DENND1A: variants seen among roughly 807,000 people sequenced by gnomAD.
DENND1A encodes the protein DENN domain containing 1A, also known as DENN domain-containing protein 1A.
Under a neutral mutation model 113.7 loss-of-function variants are expected in DENND1A, and 51 were observed. The ratio of observed to expected loss-of-function variants is 0.45; its 90% CI spans 0.36 to 0.57. DENND1A has a LOEUF of 0.57. Ranked by LOEUF, DENND1A falls within the 20% of genes least tolerant of loss-of-function variation. The probability of loss-of-function intolerance (pLI) is 0.00; values close to 1 mark genes in which losing one functional copy is unlikely to be tolerated. For synonymous variants in DENND1A, 565 were observed against 570.8 expected (o/e 0.99, Z 0.14); for missense variants, 1,258 against 1,395.9 (o/e 0.90, Z 1.57).
At chr9:123,676,324 G>A (rs2064074327) in intron 6 of DENND1A, among the ~76,000 whole-genome samples, 1 of 152,166 alleles carries the variant, frequency 6.6e-6, no homozygotes. Flanking sequence ...TGTTTTACTT[G>A]CAAACCCCAG....
At chr9:123,768,068 T>G (rs1217029141) in intron 4 of DENND1A, among the ~76,000 whole-genome samples, 2 of 152,142 alleles carry the variant, frequency 1.3e-5, no homozygotes, top group East Asian at 3.8e-4. Context: ...CTTGCATTTT[T>G]AGGAGGAATA....
At chr9:123,694,656 T>A (rs141322756) in intron 5 of DENND1A, among the ~76,000 whole-genome samples, 1 of 152,220 alleles carries the variant, frequency 6.6e-6, no homozygotes, top group African/African-American at 2.4e-5. Flanking sequence ...CTGTTTTCAA[T>A]ATCTAGAATT....
chr9:123,795,928 G>C (rs747877810), intron 2 of DENND1A, among the ~76,000 whole-genome samples: 1 of 152,160 alleles, frequency 6.6e-6, no homozygotes, highest in Admixed American at 6.5e-5. Context: ...TTTTACCCAA[G>C]AATTGTCCTG....
rs1262340725 is a variant in DENND1A, at chr9:123,462,747, A to G, written c.994-4850T>C. 5.9e-5 allele frequency among the ~76,000 whole-genome samples: 9 copies of G among 152,328 alleles called. No individual in the cohort carries two copies. The East Asian group carries it at 1.5e-3, about 26-fold the overall frequency. ...GGGAGGCGGAGGTTGCAGTCAGCCA[A>G]GATCACACCATTGCACTCCAGCCTG... On this transcript the variant is annotated intron_variant, in intron 13 of 23. Coordinates refer to ENST00000394215, the MANE Select transcript of DENND1A (RefSeq NM_001352964.2).
rs145062744 is a variant in DENND1A at position 123,495,986 on chromosome 9, G to A, written c.994-38089C>T. On this transcript the variant is annotated intron_variant, in intron 13 of 23. Transcript: ENST00000394215. ...GTCCTGAATGCATATCTGTAATTGC[G>A]TTAAGCAGAGAGGCTGGGGACATCA... Among the ~76,000 whole-genome samples the A allele has an allele frequency of 9.6e-4, 146 of 152,314 alleles. 1 individual carries two copies. Among genetic ancestry groups the A allele is most frequent in the African/African-American group, 3.1e-3 (127 of 41,574 alleles).
At chr9:123,910,678 G>A (rs1047155014) in intron 1 of DENND1A, among the ~76,000 whole-genome samples, 78 of 152,190 alleles carry the variant, frequency 5.1e-4, no homozygotes, top group African/African-American at 1.7e-3. Context: ...AGTGGCTCAC[G>A]CCTGTAATCC....
chr9:123,868,520 T>G (rs960497561), intron 2 of DENND1A, among the ~76,000 whole-genome samples: 7 of 152,178 alleles, frequency 4.6e-5, no homozygotes, highest in African/African-American at 1.7e-4. Flanking sequence ...AGTGCCCCAT[T>G]TTAGAGTTGA....
intron 2 of DENND1A, among the ~76,000 whole-genome samples, chr9:123,862,169 T>G (rs987866617): frequency 6.6e-6 from 1 of 152,236 alleles, no homozygotes; most frequent in African/African-American, 2.4e-5. Flanking sequence ...GTTCTTCATC[T>G]GACACCCATA....
intron 13 of DENND1A, among the ~76,000 whole-genome samples, chr9:123,539,831 C>A (rs1209195233): frequency 6.8e-6 from 1 of 147,234 alleles, no homozygotes; most frequent in Admixed American, 6.9e-5. Context: ...TGCAGTGAGC[C>A]GAGATCGCGC....
At chr9:123,559,145 G>A (rs1042776370) in intron 12 of DENND1A, among the ~76,000 whole-genome samples, 17 of 152,168 alleles carry the variant, frequency 1.1e-4, no homozygotes, top group African/African-American at 3.9e-4. Context: ...GTGTGCAAAG[G>A]CCCTGCAGCG....
At chr9:123,542,420 C>T (rs922286892) in intron 13 of DENND1A, among the ~76,000 whole-genome samples, 6 of 152,118 alleles carry the variant, frequency 3.9e-5, no homozygotes, top group Admixed American at 2.0e-4. Flanking sequence ...CTTCATTATG[C>T]TATTCATTTG....
At chr9:123,683,351 G>A (rs1398415609) in intron 5 of DENND1A, among the ~76,000 whole-genome samples, 1 of 152,100 alleles carries the variant, frequency 6.6e-6, no homozygotes, top group Non-Finnish European at 1.5e-5. Context: ...AGAGACCTTC[G>A]GGAAACTGAA....
chr9:123,568,732 A>T (rs770802576), intron 12 of DENND1A, among the ~76,000 whole-genome samples: 6 of 152,166 alleles, frequency 3.9e-5, no homozygotes, highest in Non-Finnish European at 8.8e-5. Flanking sequence ...GGTGGATCAC[A>T]TGGATACATC....
intron 9 of DENND1A, among the ~76,000 whole-genome samples, chr9:123,637,949 ACG>A (rs1288355567): frequency 3.1e-3 from 59 of 19,190 alleles, no homozygotes; most frequent in African/African-American, 7.3e-3. Flanking sequence ...ACACACACAC[ACG>A]CGCACACACA....
chr9:123,735,086 T>C (rs934615154), intron 5 of DENND1A, among the ~76,000 whole-genome samples: 1 of 152,170 alleles, frequency 6.6e-6, no homozygotes, highest in Admixed American at 6.5e-5. Flanking sequence ...TGAGTTTATA[T>C]TCTAAGCTTT....
At chr9:123,857,801 T>A (rs1844435790) in intron 2 of DENND1A, among the ~76,000 whole-genome samples, 1 of 152,150 alleles carries the variant, frequency 6.6e-6, no homozygotes, top group Admixed American at 6.5e-5. Flanking sequence ...GGCTCACACC[T>A]GTAATCCCAG....
chr9:123,856,575 C>A (rs1006231895), intron 2 of DENND1A, among the ~76,000 whole-genome samples: 2 of 152,084 alleles, frequency 1.3e-5, no homozygotes, highest in Non-Finnish European at 2.9e-5. Context: ...CATGCAGGGG[C>A]CACCTGATAG....
chr9:123,884,306 T>G (rs983065630), intron 1 of DENND1A, among the ~76,000 whole-genome samples: 4 of 152,188 alleles, frequency 2.6e-5, no homozygotes, highest in Non-Finnish European at 5.9e-5. Context: ...CTATTAACAC[T>G]CACTGCTAAT....
At chr9:123,531,034 G>C (rs1279833190) in intron 13 of DENND1A, among the ~76,000 whole-genome samples, 1 of 152,092 alleles carries the variant, frequency 6.6e-6, no homozygotes, top group East Asian at 1.9e-4. Flanking sequence ...CAAAGTCTTT[G>C]TATTGTTAGG....
Sources: allele counts gnomAD v4.1 joint callset (sites outside exome capture counted in the v4.1 genomes callset), GRCh38; gene constraint gnomAD v4.1.1; transcripts MANE v1.5; gene names NCBI Gene and HGNC (gene_info 2026-07-23, HGNC 2026-07-21).